Variants in UVRAG observed in about 807,000 individuals in gnomAD.
UVRAG encodes UV radiation resistance associated.
In UVRAG, 19 loss-of-function variants were observed where a neutral mutation model predicts 78.0. The ratio of observed to expected loss-of-function variants is 0.24; its 90% CI spans 0.17 to 0.36. The LOEUF (loss-of-function observed/expected upper bound fraction) is 0.36. Ranked by LOEUF, UVRAG falls within the 10% of genes least tolerant of loss-of-function variation. The pLI, the probability that UVRAG is intolerant of heterozygous loss-of-function variation, is 1.00. For missense variants in UVRAG, 740 were observed against 853.8 expected, an observed-to-expected ratio of 0.87 and a Z score of 1.66; for synonymous variants, 323 against 324.6, an observed-to-expected ratio of 1.00 and a Z score of 0.05.
At chr11:75,931,787 C>T (rs1437986364) in intron 6 of UVRAG, among the ~76,000 whole-genome samples, 1 of 152,150 alleles carries the variant, frequency 6.6e-6, no homozygotes, top group African/African-American at 2.4e-5. Flanking sequence ...GCCACCTTCT[C>T]TCTCTCACTC....
intron 3 of UVRAG, among the ~76,000 whole-genome samples, chr11:75,872,391 CT>C (rs558324580): frequency 2.7e-4 from 37 of 137,122 alleles, no homozygotes; most frequent in Admixed American, 4.4e-4. Flanking sequence ...CTAATGCTGC[CT>C]TTTTTTTTTT....
intron 11 of UVRAG, among the ~76,000 whole-genome samples, chr11:76,013,928 C>G (rs114146258): frequency 2.4e-4 from 37 of 152,252 alleles, no homozygotes; most frequent in Non-Finnish European, 4.7e-4. Flanking sequence ...AGCACTATGG[C>G]CTGGAATGGG....
chr11:75,852,402 C>T (rs146357208), intron 2 of UVRAG, among the ~76,000 whole-genome samples: 1 of 152,140 alleles, frequency 6.6e-6, no homozygotes, highest in East Asian at 1.9e-4. Context: ...TATATGGGAT[C>T]TTTTTCAGAA....
chr11:76,137,659 G>A (rs1952624393), intron 14 of UVRAG: 1 of 356,666 alleles, frequency 2.8e-6, no homozygotes, highest in Non-Finnish European at 5.5e-6. Context: ...AATATTTTGG[G>A]AGGCCAAGGC....
chr11:75,923,241 T>A (rs547543094), intron 6 of UVRAG, among the ~76,000 whole-genome samples: 44 of 152,204 alleles, frequency 2.9e-4, no homozygotes, highest in Non-Finnish European at 5.1e-4. Flanking sequence ...ATTTTCTTCC[T>A]TTATAATTGT....
intron 6 of UVRAG, among the ~76,000 whole-genome samples, chr11:75,937,864 C>A (rs1389389697): frequency 6.6e-6 from 1 of 152,076 alleles, no homozygotes; most frequent in Non-Finnish European, 1.5e-5. Context: ...TCATGAACTC[C>A]ATCTAAATGT....
At chr11:76,044,550 T>C (rs1950710199) in intron 12 of UVRAG, among the ~76,000 whole-genome samples, 1 of 152,176 alleles carries the variant, frequency 6.6e-6, no homozygotes, top group Non-Finnish European at 1.5e-5. Context: ...GGCGGGCAGA[T>C]TGCCTGAGCT....
At chr11:75,960,347 C>T (rs1331908048) in intron 6 of UVRAG, among the ~76,000 whole-genome samples, 1 of 151,798 alleles carries the variant, frequency 6.6e-6, no homozygotes, top group Non-Finnish European at 1.5e-5. Context: ...GCTAAATTAA[C>T]TTATTAATTT....
intron 13 of UVRAG, among the ~76,000 whole-genome samples, chr11:76,101,356 C>T (rs1951876879): frequency 6.6e-6 from 1 of 151,848 alleles, no homozygotes; most frequent in African/African-American, 2.4e-5. Flanking sequence ...TGATATTGAG[C>T]TTTTTTCATA....
intron 6 of UVRAG, among the ~76,000 whole-genome samples, chr11:75,922,357 G>A (rs1947996645): frequency 1.3e-5 from 2 of 151,996 alleles, no homozygotes; most frequent in Admixed American, 6.5e-5. Flanking sequence ...GCTATTATAA[G>A]GAAAAGCTAT....
chr11:75,975,921 A>G (rs9736854), intron 7 of UVRAG, among the ~76,000 whole-genome samples: 19,362 of 152,202 alleles, frequency 0.13, 3,131 homozygotes, highest in African/African-American at 0.38. Context: ...GGAGTGGTGA[A>G]AGAGGGCATC....
intron 14 of UVRAG, among the ~76,000 whole-genome samples, chr11:76,139,764 G>T (rs1432644689): frequency 1.3e-5 from 2 of 151,950 alleles, no homozygotes; most frequent in Admixed American, 6.5e-5. Context: ...ACTTTACCCT[G>T]CTTTCTCTAT....
At chr11:75,830,321 G>A (rs771169545) in intron 1 of UVRAG, among the ~76,000 whole-genome samples, 1 of 151,940 alleles carries the variant, frequency 6.6e-6, no homozygotes, top group African/African-American at 2.4e-5. Context: ...CCAGGCTGGA[G>A]TGCAGTGGCG....
chr11:75,994,012 T>C (rs1217384269), intron 8 of UVRAG, among the ~76,000 whole-genome samples: 2 of 152,194 alleles, frequency 1.3e-5, no homozygotes, highest in Non-Finnish European at 2.9e-5. Context: ...AAGCCATTTG[T>C]GAGGGATCCA....
chr11:76,004,618 CAT>C (rs1949890918), intron 9 of UVRAG, among the ~76,000 whole-genome samples: 1 of 151,472 alleles, frequency 6.6e-6, no homozygotes, highest in Non-Finnish European at 1.5e-5. Flanking sequence ...TTCATTCATT[CAT>C]TCATTCATTC....
intron 13 of UVRAG, among the ~76,000 whole-genome samples, chr11:76,103,625 A>T (rs1951920945): frequency 6.6e-6 from 1 of 151,484 alleles, no homozygotes. Flanking sequence ...CTCTATTGCA[A>T]TTCAAGTGAG....
chr11:75,938,492 T>C (rs1410372541), intron 6 of UVRAG, among the ~76,000 whole-genome samples: 7 of 152,214 alleles, frequency 4.6e-5, no homozygotes, highest in South Asian at 2.1e-4. Context: ...AACACAGTTA[T>C]GTTATTTGGA....
At chr11:76,132,551 GAA>G (rs954222652) in intron 14 of UVRAG, among the ~76,000 whole-genome samples, 1 of 147,584 alleles carries the variant, frequency 6.8e-6, no homozygotes, top group Non-Finnish European at 1.5e-5. Context: ...AGAGAATTAG[GAA>G]AAAAAAAAGT....
intron 4 of UVRAG, 94 bp from the exon 5 acceptor site, chr11:75,888,735 T>C (rs1215767876): frequency 2.8e-5 from 29 of 1,045,166 alleles, no homozygotes; most frequent in Non-Finnish European, 3.2e-5. Context: ...TTTCTCAGTA[T>C]TGAAGTAGAT....
Sources: allele counts gnomAD v4.1 joint callset (sites outside exome capture counted in the v4.1 genomes callset), GRCh38; gene constraint gnomAD v4.1.1; transcripts MANE v1.5; gene names NCBI Gene and HGNC (gene_info 2026-07-23, HGNC 2026-07-21).